The following SLC8A1 variants were observed in gnomAD, a reference collection of about 807,000 sequenced individuals.
The protein encoded by SLC8A1 is sodium/calcium exchanger 1.
SLC8A1 carries 18 observed loss-of-function variants against 68.3 expected under a neutral mutation model. The observed-to-expected ratio is 0.26, with a 90% CI of 0.18 to 0.39. SLC8A1 has a LOEUF of 0.39. Ranked by LOEUF, SLC8A1 falls within the 10% of genes least tolerant of loss-of-function variation. The pLI is 1.00. For missense variants in SLC8A1, 985 were observed against 1,156.7 expected (o/e 0.85, Z 2.15); for synonymous variants, 475 against 415.5 (o/e 1.14, Z -1.74).
intron 1 of SLC8A1, among the ~76,000 whole-genome samples, chr2:40,441,967 G>T (rs1003719018): frequency 7.0e-6 from 1 of 142,224 alleles, no homozygotes; most frequent in Non-Finnish European, 1.5e-5. Flanking sequence ...AACTAGCATC[G>T]TTTTCTTAAT....
intron 2 of SLC8A1, among the ~76,000 whole-genome samples, chr2:40,249,635 G>A (rs1016099460): frequency 1.1e-4 from 16 of 152,010 alleles, no homozygotes; most frequent in African/African-American, 3.4e-4. Context: ...TCTTGGCTTT[G>A]TTTTTTGTAA....
At position 40,200,198 on chromosome 2, in the gene SLC8A1, A is replaced by T. The variant is rs1336778887; in HGVS notation, c.1809-22343T>A. Reference sequence around the variant, plus strand: ...GATATATATATATATATATTTATATATATATATAAATATATATATATTTTT... The same window carrying T: ...GATATATATATATATATATTTATATTTATATATAAATATATATATATTTTT... On this transcript the variant is annotated intron_variant, in intron 2 of 7. Coordinates refer to ENST00000406785, the Ensembl canonical transcript of SLC8A1. Among the ~76,000 whole-genome samples, 51 of 10,022 alleles carry T rather than the reference A, an allele frequency of 5.1e-3. 5 individuals are homozygous for T. The South Asian group carries it at 0.084, about 17-fold the overall frequency. 6.6% of individuals were successfully genotyped at this position (10,022 alleles called of 152,430 possible). A position where few individuals can be genotyped will look rare whatever the true frequency, so the allele number is the denominator to read the frequency against.
chr2:40,177,278 T>C (rs1037316784), intron 3 of SLC8A1, among the ~76,000 whole-genome samples: 8 of 152,206 alleles, frequency 5.3e-5, no homozygotes, highest in Non-Finnish European at 7.3e-5. Context: ...GCCTAATTAT[T>C]TGAATTCTGA....
chr2:40,410,918 C>A (rs1291571867), intron 2 of SLC8A1, among the ~76,000 whole-genome samples: 1 of 152,002 alleles, frequency 6.6e-6, no homozygotes, highest in Non-Finnish European at 1.5e-5. Context: ...GCACATAATA[C>A]CAGCAAATGG....
At chr2:40,177,701 G>C in intron 3 of SLC8A1, 1 of 1,112,962 alleles carries the variant, frequency 9.0e-7, no homozygotes, top group Non-Finnish European at 1.3e-6. Flanking sequence ...GGGAGACACG[G>C]AGAGAGAAGA....
intron 2 of SLC8A1, among the ~76,000 whole-genome samples, chr2:40,253,465 A>C (rs949123694): frequency 2.0e-5 from 3 of 152,038 alleles, no homozygotes; most frequent in Non-Finnish European, 4.4e-5. Context: ...CAAGTATTAT[A>C]TGTTCTCACT....
upstream of SLC8A1, among the ~76,000 whole-genome samples, chr2:40,455,888 C>A (rs1449706808): frequency 6.6e-6 from 1 of 152,198 alleles, no homozygotes; most frequent in Non-Finnish European, 1.5e-5. Flanking sequence ...GCCTTCCTGG[C>A]AGACTCACAG....
At chr2:40,174,574 A>AT (rs1430480747) in intron 4 of SLC8A1, 132 bp downstream of exon 6, 4 of 857,680 alleles carry the variant, frequency 4.7e-6, no homozygotes, top group Non-Finnish European at 7.4e-6. Context: ...AAAACGTTAA[A>AT]TGTGTAAAAC....
chr2:40,329,071 C>T (rs2076144973), intron 2 of SLC8A1, among the ~76,000 whole-genome samples: 1 of 136,180 alleles, frequency 7.3e-6, no homozygotes, highest in African/African-American at 2.9e-5. Context: ...CACACACACA[C>T]ACACACACAC....
At chr2:40,428,327 A>G in intron 2 of SLC8A1, 146 bp downstream of exon 2, 6 of 1,350,974 alleles carry the variant, frequency 4.4e-6, no homozygotes, top group Non-Finnish European at 5.7e-6. Context: ...AAAGACTGAT[A>G]TCTTGAAAGG....
chr2:40,097,326 A>T, exon 8 of SLC8A1: 1 of 137,236 alleles, frequency 7.3e-6, no homozygotes, highest in Non-Finnish European at 1.5e-5. Context: ...AGATTAGGAA[A>T]ACAATTAAGA....
chr2:40,383,305 A>G (rs962239086), intron 2 of SLC8A1, among the ~76,000 whole-genome samples: 1 of 152,080 alleles, frequency 6.6e-6, no homozygotes, highest in Admixed American at 6.6e-5. Flanking sequence ...CAAATTTGAT[A>G]TATGTTTTTT....
At chr2:40,324,389 A>G (rs1387067558) in intron 2 of SLC8A1, among the ~76,000 whole-genome samples, 1 of 152,170 alleles carries the variant, frequency 6.6e-6, no homozygotes, top group Non-Finnish European at 1.5e-5. Context: ...GGGCTATTTC[A>G]GAGGCACTTC....
intron 2 of SLC8A1, among the ~76,000 whole-genome samples, chr2:40,362,927 C>A (rs576859416): frequency 2.0e-5 from 3 of 152,110 alleles, no homozygotes; most frequent in African/African-American, 7.2e-5. Context: ...TGAGACTACC[C>A]CATGCAATAC....
chr2:40,381,700 G>A (rs951493802), intron 2 of SLC8A1, among the ~76,000 whole-genome samples: 2 of 151,490 alleles, frequency 1.3e-5, no homozygotes, highest in African/African-American at 4.9e-5. Flanking sequence ...CTTAAAACTT[G>A]AGAAAGTTAC....
intron 1 of SLC8A1, among the ~76,000 whole-genome samples, chr2:40,489,925 A>G (rs919526850): frequency 3.3e-5 from 5 of 152,048 alleles, no homozygotes; most frequent in East Asian, 1.9e-4. Context: ...AGATTTTACA[A>G]CCTGATATGA....
chr2:40,138,032 C>A (rs1186946427), intron 7 of SLC8A1, among the ~76,000 whole-genome samples: 5 of 152,120 alleles, frequency 3.3e-5, no homozygotes, highest in African/African-American at 1.2e-4. Flanking sequence ...ACCAGAAATA[C>A]AATTTTATTA....
intron 2 of SLC8A1, among the ~76,000 whole-genome samples, chr2:40,269,913 T>G (rs2065819327): frequency 1.3e-5 from 2 of 152,172 alleles, no homozygotes; most frequent in African/African-American, 2.4e-5. Context: ...AACTAAAGTC[T>G]TCAAGGGCAT....
intron 2 of SLC8A1, among the ~76,000 whole-genome samples, chr2:40,281,480 A>G (rs1294959890): frequency 3.3e-5 from 5 of 152,202 alleles, no homozygotes; most frequent in African/African-American, 9.7e-5. Flanking sequence ...GAATAGCTAC[A>G]AAGTGGCAAG....
Sources: gnomAD v4.1 joint callset for allele counts (sites outside exome capture counted in the v4.1 genomes callset) on GRCh38, gnomAD v4.1.1 for gene constraint, MANE v1.5 for transcripts, NCBI Gene and HGNC (gene_info 2026-07-23, HGNC 2026-07-21) for gene names.